TMEM255B: variants seen among roughly 807,000 people sequenced by gnomAD.
TMEM255B encodes family with sequence similarity 70, member B.
A neutral mutation model predicts 34.5 loss-of-function variants in TMEM255B; 35 were observed. The observed-to-expected ratio is 1.01, with a 90% CI of 0.77 to 1.34. The LOEUF (loss-of-function observed/expected upper bound fraction) is 1.34. Among genes scored for constraint, TMEM255B ranks in the 40% most tolerant of loss-of-function variants. The probability of loss-of-function intolerance (pLI) is 0.00; values close to 1 mark genes in which losing one functional copy is unlikely to be tolerated. For missense variants in TMEM255B, 432 were observed against 433.2 expected (o/e 1.00, Z 0.02); for synonymous variants, 206 against 201.2 (o/e 1.02, Z -0.20).
At position 113,804,885 on chromosome 13, in the gene TMEM255B, G is replaced by T; in HGVS notation, c.670G>T (p.Val224Leu). The T allele has an allele frequency of 1.3e-6, 2 of 1,597,906 alleles. No individual in the cohort carries two copies. Among genetic ancestry groups the T allele is most frequent in the Non-Finnish European group, 1.7e-6 (2 of 1,177,788 alleles). The change falls in exon 8 of 9, where the codon GTG becomes TTG. Residue 224 changes from valine (V) to leucine (L), a missense_variant and splice_region_variant. By Grantham distance (32) the Val-to-Leu change is conservative. Coordinates refer to ENST00000375353, the MANE Select transcript of TMEM255B (RefSeq NM_182614.4). Reference protein sequence around the residue: ...AAVLGAFKDMVPLSQLAYGPA... With the variant: ...AAVLGAFKDMLPLSQLAYGPA... ...ACCACCCGTCTCCTCTCCATGGCAG[G>T]TGCCTCTGTCCCAGCTGGCCTATGG... is the stretch of plus-strand genomic sequence containing the variant.
rs931652869 is a variant in TMEM255B, at chr13:113,804,762, G to A, written c.670-123G>A. ...TCCAGCCTGGGTATAAACGCACGCC[G>A]GGCCGGGGTTAGTTCCAGCCTGAGA... On this transcript the variant is annotated intron_variant, in intron 7 of 8. Transcript: ENST00000375353. 4.7e-5 allele frequency: 34 copies of A among 728,154 alleles called. No homozygotes were observed. The African/African-American group carries it at 6.1e-4, about 13-fold the overall frequency. The allele number at this position is 728,154 out of a possible 1,614,324, so 45.1% of individuals were successfully genotyped here.
intron 2 of TMEM255B, 167 bp downstream of exon 2, chr13:113,766,424 TCC>T (rs1282634706): frequency 1.0e-6 from 1 of 975,676 alleles, no homozygotes; most frequent in African/African-American, 1.6e-5. Context: ...CACTTCCCAA[TCC>T]CCAGGACCTG....
At chr13:113,796,795 T>C (rs2050949593) in intron 4 of TMEM255B, among the ~76,000 whole-genome samples, 1 of 152,246 alleles carries the variant, frequency 6.6e-6, no homozygotes, top group Non-Finnish European at 1.5e-5. Context: ...TGTTTCTCCC[T>C]CTTTTTCCAT....
At chr13:113,799,755 G>A (rs1344869631) in intron 5 of TMEM255B, 10 of 694,868 alleles carry the variant, frequency 1.4e-5, no homozygotes, top group Non-Finnish European at 2.2e-5. Context: ...TACAGTGTCC[G>A]AGAAACTTCT....
At position 113,791,457 on chromosome 13, in the gene TMEM255B, G is replaced by C. The variant is rs2050830697; in HGVS notation, c.253-3691G>C. 1.3e-5 allele frequency among the ~76,000 whole-genome samples: 2 copies of C among 152,170 alleles called. 1 individual carries two copies. Among genetic ancestry groups the C allele is most frequent in the South Asian group, 4.1e-4 (2 of 4,830 alleles). ...AACGTTGGGCAGCCCCAACGAATCTGGGGGACCACACTGGTCACACACCCC... is the reference window on the plus strand; with the variant it reads ...AACGTTGGGCAGCCCCAACGAATCTCGGGGACCACACTGGTCACACACCCC... On this transcript the variant is annotated intron_variant, in intron 3 of 8. Coordinates refer to ENST00000375353, the MANE Select transcript of TMEM255B (RefSeq NM_182614.4).
intron 6 of TMEM255B, 30 bp from the exon 7 acceptor site, chr13:113,801,623 C>T (rs762156365): frequency 1.0e-5 from 16 of 1,561,098 alleles, no homozygotes; most frequent in Middle Eastern, 1.7e-4. Flanking sequence ...TTGCCTCGTG[C>T]GGTGACGCCA....
At chr13:113,794,579 G>A (rs543174076) in intron 3 of TMEM255B, among the ~76,000 whole-genome samples, 14 of 152,192 alleles carry the variant, frequency 9.2e-5, no homozygotes, top group African/African-American at 2.9e-4. Flanking sequence ...GGTCCACGGG[G>A]ATGGAGACTC....
chr13:113,781,152 G>T (rs2050660874), intron 3 of TMEM255B, among the ~76,000 whole-genome samples: 1 of 152,108 alleles, frequency 6.6e-6, no homozygotes, highest in Non-Finnish European at 1.5e-5. Flanking sequence ...TGATCATAAG[G>T]TAAGATTTTT....
At chr13:113,774,463 C>T (rs1441609969) in intron 3 of TMEM255B, among the ~76,000 whole-genome samples, 1 of 152,174 alleles carries the variant, frequency 6.6e-6, no homozygotes, top group Non-Finnish European at 1.5e-5. Flanking sequence ...ACAGTGTTAA[C>T]TGGCAATTCT....
At chr13:113,795,038 G>A in intron 3 of TMEM255B, 110 bp from the exon 4 acceptor site, 5 of 931,078 alleles carry the variant, frequency 5.4e-6, no homozygotes, top group South Asian at 4.3e-5. Context: ...GGTGAGAAGA[G>A]GCAGTTCTGT....
At chr13:113,762,703 A>G (rs562128544) in intron 1 of TMEM255B, among the ~76,000 whole-genome samples, 14 of 152,304 alleles carry the variant, frequency 9.2e-5, no homozygotes, top group South Asian at 6.2e-4. Context: ...TCTTCATGCC[A>G]AGGAACCGAG....
chr13:113,775,147 GAC>G (rs1190523286), intron 3 of TMEM255B, among the ~76,000 whole-genome samples: 4 of 146,182 alleles, frequency 2.7e-5, no homozygotes, highest in South Asian at 2.2e-4. Context: ...CCACATATAT[GAC>G]ACACACACTA....
At chr13:113,782,380 AGTTT>A (rs1161612172) in intron 3 of TMEM255B, among the ~76,000 whole-genome samples, 1 of 152,236 alleles carries the variant, frequency 6.6e-6, no homozygotes, top group Non-Finnish European at 1.5e-5. Context: ...AATGATGACA[AGTTT>A]GTTTACAAAT....
At chr13:113,790,796 A>G (rs2050820574) in intron 3 of TMEM255B, among the ~76,000 whole-genome samples, 1 of 114,848 alleles carries the variant, frequency 8.7e-6, no homozygotes, top group Non-Finnish European at 2.0e-5. Flanking sequence ...ACACGTAGAC[A>G]TCCTAGCATT....
chr13:113,804,397 C>T (rs954269963), intron 7 of TMEM255B, among the ~76,000 whole-genome samples: 16 of 152,220 alleles, frequency 1.1e-4, no homozygotes, highest in African/African-American at 3.6e-4. Flanking sequence ...CCTTCTGTGC[C>T]GAAAAAGCAG....
At chr13:113,804,811 T>G in intron 7 of TMEM255B, 74 bp from the exon 8 acceptor site, 7 of 1,403,972 alleles carry the variant, frequency 5.0e-6, no homozygotes, top group Non-Finnish European at 6.7e-6. Context: ...GGTGCTGGGC[T>G]TTCTAGGAAG....
chr13:113,761,625 A>G (rs2050309755), intron 1 of TMEM255B, among the ~76,000 whole-genome samples: 1 of 152,228 alleles, frequency 6.6e-6, no homozygotes, highest in Admixed American at 6.5e-5. Flanking sequence ...CTGGTTAAGA[A>G]TAGCCGCTAC....
intron 4 of TMEM255B, among the ~76,000 whole-genome samples, chr13:113,799,098 A>G (rs975463421): frequency 1.4e-4 from 21 of 152,192 alleles, no homozygotes; most frequent in Non-Finnish European, 1.9e-4. Context: ...GAGAATATGC[A>G]TGGCCCGAGG....
At chr13:113,764,247 C>T (rs918643162) in intron 1 of TMEM255B, among the ~76,000 whole-genome samples, 1 of 152,190 alleles carries the variant, frequency 6.6e-6, no homozygotes, top group Non-Finnish European at 1.5e-5. Context: ...GGCCTTGGGG[C>T]TCCTGGTGCT....
Sources: gnomAD v4.1 joint callset for allele counts (sites outside exome capture counted in the v4.1 genomes callset) on GRCh38, gnomAD v4.1.1 for gene constraint, MANE v1.5 for transcripts, NCBI Gene and HGNC (gene_info 2026-07-23, HGNC 2026-07-21) for gene names.